PTPRQ: variants seen among roughly 807,000 people sequenced by gnomAD.
PTPRQ encodes phosphatidylinositol phosphatase PTPRQ.
A neutral mutation model predicts 246.0 loss-of-function variants in PTPRQ; 199 were observed. That is an observed-to-expected ratio of 0.81 (90% confidence interval 0.72 to 0.91). The LOEUF (loss-of-function observed/expected upper bound fraction) is 0.91. Among genes scored for constraint, PTPRQ ranks in the 40% least tolerant of loss-of-function variants. PTPRQ has a pLI of 0.00. For synonymous variants in PTPRQ, 869 were observed against 853.2 expected, an observed-to-expected ratio of 1.02 and a Z score of -0.32; for missense variants, 2,624 against 2,528.4, an observed-to-expected ratio of 1.04 and a Z score of -0.81.
intron 20 of PTPRQ, among the ~76,000 whole-genome samples, chr12:80,541,292 A>G (rs1011404132): frequency 6.6e-6 from 1 of 152,028 alleles, no homozygotes; most frequent in Admixed American, 6.6e-5. Context: ...CAATCTCCAC[A>G]TAGTAGGAAA....
intron 35 of PTPRQ, among the ~76,000 whole-genome samples, chr12:80,647,588 T>C (rs530442394): frequency 1.3e-5 from 2 of 152,314 alleles, no homozygotes; most frequent in South Asian, 4.1e-4. Flanking sequence ...CAACTGTTAC[T>C]ATGTCAGAGA....
intron 9 of PTPRQ, among the ~76,000 whole-genome samples, chr12:80,489,305 T>C (rs1219033214): frequency 6.6e-6 from 1 of 151,988 alleles, no homozygotes; most frequent in East Asian, 1.9e-4. Context: ...ATCCTACCTC[T>C]GCTGTCACTA....
At chr12:80,488,183 G>A (rs1310903473) in intron 9 of PTPRQ, among the ~76,000 whole-genome samples, 1 of 151,300 alleles carries the variant, frequency 6.6e-6, no homozygotes, top group East Asian at 2.0e-4. Context: ...ATGTGATCAT[G>A]GGAGAGACAT....
At chr12:80,524,837 A>C (rs1461172674) in intron 17 of PTPRQ, among the ~76,000 whole-genome samples, 1 of 152,180 alleles carries the variant, frequency 6.6e-6, no homozygotes, top group East Asian at 1.9e-4. Context: ...AAGAATTCAC[A>C]CCCAGATCTG....
intron 35 of PTPRQ, among the ~76,000 whole-genome samples, chr12:80,640,085 G>A (rs892018183): frequency 5.3e-5 from 8 of 150,816 alleles, no homozygotes; most frequent in Non-Finnish European, 8.9e-5. Flanking sequence ...AAGCATACTA[G>A]AGAAGATTAA....
At chr12:80,615,020 T>G (rs1898697664) in intron 29 of PTPRQ, among the ~76,000 whole-genome samples, 1 of 150,976 alleles carries the variant, frequency 6.6e-6, no homozygotes, top group African/African-American at 2.4e-5. Flanking sequence ...TGTATTGACC[T>G]ACTGAATCAA....
intron 26 of PTPRQ, among the ~76,000 whole-genome samples, chr12:80,595,729 C>A (rs1439330593): frequency 7.0e-6 from 1 of 143,772 alleles, no homozygotes; most frequent in African/African-American, 2.6e-5. Context: ...CCCCATCCCA[C>A]AACAGTCCCC....
chr12:80,600,906 A>G (rs1169547571), intron 26 of PTPRQ, among the ~76,000 whole-genome samples: 1 of 151,726 alleles, frequency 6.6e-6, no homozygotes, highest in Non-Finnish European at 1.5e-5. Flanking sequence ...CTCTCATTCC[A>G]ACTCAACTGG....
intron 17 of PTPRQ, among the ~76,000 whole-genome samples, chr12:80,532,273 G>A (rs1895866008): frequency 6.6e-6 from 1 of 151,580 alleles, no homozygotes; most frequent in African/African-American, 2.4e-5. Flanking sequence ...GCCCAGGCTG[G>A]AGTGCAGTTG....
intron 8 of PTPRQ, among the ~76,000 whole-genome samples, chr12:80,477,975 G>T (rs566402174): frequency 8.5e-4 from 129 of 152,356 alleles, no homozygotes; most frequent in African/African-American, 2.9e-3. Context: ...CATTGCCCAG[G>T]CTTGCTTAGG....
intron 8 of PTPRQ, among the ~76,000 whole-genome samples, chr12:80,474,425 C>T (rs536303994): frequency 3.3e-5 from 5 of 152,220 alleles, no homozygotes; most frequent in South Asian, 2.1e-4. Context: ...GCATTGACCT[C>T]TTATAGAGAA....
intron 17 of PTPRQ, among the ~76,000 whole-genome samples, chr12:80,532,935 T>A (rs1895886314): frequency 6.6e-6 from 1 of 152,226 alleles, no homozygotes; most frequent in Non-Finnish European, 1.5e-5. Context: ...AACCCTTACT[T>A]CATTTAAAAT....
rs752791434 is a variant in PTPRQ at position 80,590,954 on chromosome 12, C to T, written c.4609+2502C>T. The stretch of plus-strand genomic sequence containing the variant: ...TCTTCACATGAGCAGCTTCTTATAA[C>T]GTAGATCTTTACTTAAATGATCCCT... On this transcript the variant is annotated intron_variant, in intron 26 of 44. Transcript: ENST00000644991. Among the ~76,000 whole-genome samples, 45 of 152,122 alleles carry T rather than the reference C, an allele frequency of 3.0e-4. No homozygotes were observed. In the South Asian group the frequency reaches 3.1e-3, roughly 11 times the overall value.
chr12:80,578,510 C>A (rs1460330549), intron 25 of PTPRQ, among the ~76,000 whole-genome samples: 2 of 151,948 alleles, frequency 1.3e-5, no homozygotes, highest in East Asian at 3.9e-4. Flanking sequence ...CCTGCCTCAG[C>A]CTCCTGAGTA....
chr12:80,542,869 T>C lies in PTPRQ; in HGVS notation c.3861T>C (p.Thr1287=), dbSNP rs1413300306. The part of the protein sequence containing the change: ...SFKIHEHETD[T]IYYKNISGFK... ...AAATTCATGAACATGAAACTGACAC[T>C]ATATATTATAAGGTAGGTTGATTAT... Residue 1287 remains threonine (T), a synonymous_variant, in exon 23 of 45, where the codon ACT becomes ACC. Coordinates refer to ENST00000644991, the MANE Select transcript of PTPRQ (RefSeq NM_001145026.2). 2.0e-6 allele frequency: 3 copies of C among 1,506,610 alleles called. No homozygotes were observed. The highest frequency in any genetic ancestry group is 2.7e-6 in the Non-Finnish European group (3 of 1,121,020). 93.3% of individuals were successfully genotyped at this position (1,506,610 alleles called of 1,614,324 possible). A position where few individuals can be genotyped will look rare whatever the true frequency, so the allele number is the denominator to read the frequency against.
chr12:80,445,865 G>T, intron 3 of PTPRQ, 148 bp downstream of exon 3: 1 of 558,778 alleles, frequency 1.8e-6, no homozygotes, highest in Non-Finnish European at 3.1e-6. Flanking sequence ...ACCCACCTGA[G>T]ATTTTAAAAC....
intron 27 of PTPRQ, among the ~76,000 whole-genome samples, chr12:80,607,246 G>A (rs534189932): frequency 6.6e-6 from 1 of 150,968 alleles, no homozygotes; most frequent in South Asian, 2.1e-4. Context: ...CTAAGACTTG[G>A]CTAAAACTAA....
intron 25 of PTPRQ, among the ~76,000 whole-genome samples, chr12:80,581,062 G>GA (rs954513787): frequency 6.6e-6 from 1 of 152,078 alleles, no homozygotes; most frequent in Non-Finnish European, 1.5e-5. Context: ...AACATTGGAG[G>GA]AAAAAATAGT....
intron 35 of PTPRQ, among the ~76,000 whole-genome samples, chr12:80,641,023 G>C (rs1899835958): frequency 6.6e-6 from 1 of 152,094 alleles, no homozygotes; most frequent in African/African-American, 2.4e-5. Context: ...GCTCATTTTT[G>C]CAACTGTAGA....
Sources: gnomAD v4.1 joint callset for allele counts (sites outside exome capture counted in the v4.1 genomes callset) on GRCh38, gnomAD v4.1.1 for gene constraint, MANE v1.5 for transcripts, NCBI Gene and HGNC (gene_info 2026-07-23, HGNC 2026-07-21) for gene names.